NOVA1: variants seen among roughly 807,000 people sequenced by gnomAD.
NOVA1 encodes RNA-binding protein Nova-1.
A neutral mutation model predicts 38.0 loss-of-function variants in NOVA1; 7 were observed. The ratio of observed to expected loss-of-function variants is 0.18; its 90% CI spans 0.10 to 0.35. NOVA1 has a LOEUF of 0.35. Ranked by LOEUF, NOVA1 falls within the 10% of genes least tolerant of loss-of-function variation. The probability of loss-of-function intolerance (pLI) is 1.00; values close to 1 mark genes in which losing one functional copy is unlikely to be tolerated. For synonymous variants in NOVA1, 270 were observed against 232.5 expected (o/e 1.16, Z -1.47); for missense variants, 460 against 616.0 (o/e 0.75, Z 2.68).
intron 2 of NOVA1, among the ~76,000 whole-genome samples, chr14:26,500,935 T>A (rs1020400069): frequency 6.6e-6 from 1 of 151,972 alleles, no homozygotes; most frequent in African/African-American, 2.4e-5. Flanking sequence ...TGCATTTATG[T>A]CCTCAGCTCT....
intron 4 of NOVA1, among the ~76,000 whole-genome samples, chr14:26,454,184 AG>A (rs1219131457): frequency 2.0e-5 from 3 of 152,270 alleles, no homozygotes; most frequent in Non-Finnish European, 2.9e-5. Flanking sequence ...AAAACAGAAA[AG>A]TTTTAAGAAA....
At chr14:26,509,926 C>A (rs1279630212) in intron 2 of NOVA1, among the ~76,000 whole-genome samples, 1 of 152,096 alleles carries the variant, frequency 6.6e-6, no homozygotes, top group Non-Finnish European at 1.5e-5. Context: ...GTGATATGCC[C>A]GCCTCAGCCT....
intron 4 of NOVA1, among the ~76,000 whole-genome samples, chr14:26,467,619 C>T (rs1411736810): frequency 1.3e-5 from 2 of 151,932 alleles, no homozygotes; most frequent in Non-Finnish European, 2.9e-5. Context: ...AAAAACTTGA[C>T]AGAAAAAGGA....
chr14:26,485,727 A>T (rs1885835693), intron 2 of NOVA1, among the ~76,000 whole-genome samples: 1 of 152,146 alleles, frequency 6.6e-6, no homozygotes, highest in Non-Finnish European at 1.5e-5. Context: ...GTTCATATAA[A>T]AGAAAATGCA....
chr14:26,450,512 GT>G (rs1882578963), intron 4 of NOVA1, among the ~76,000 whole-genome samples: 1 of 151,960 alleles, frequency 6.6e-6, no homozygotes, highest in South Asian at 2.1e-4. Context: ...AATAGTCTAA[GT>G]TTTCAAGAAC....
intron 2 of NOVA1, among the ~76,000 whole-genome samples, chr14:26,489,632 A>C (rs1430435293): frequency 6.6e-6 from 1 of 152,050 alleles, no homozygotes; most frequent in Non-Finnish European, 1.5e-5. Context: ...TGAAGTCAGG[A>C]GTTTGAGACC....
intron 2 of NOVA1, among the ~76,000 whole-genome samples, chr14:26,490,434 C>T (rs114978417): frequency 0.01 from 1,551 of 152,082 alleles, 25 homozygotes; most frequent in African/African-American, 0.036. Context: ...TGTCCCAAGC[C>T]GCGGCACCAT....
In NOVA1 at chr14:26,572,757, T is replaced by C. The variant is rs1447274903; in HGVS notation, c.280+22653A>G. On this transcript the variant is annotated intron_variant, in intron 2 of 4. Coordinates refer to ENST00000539517, the MANE Select transcript of NOVA1 (RefSeq NM_002515.3). ...GTGTGTGTGTGTGTGTGTGTGTGTGTGTGTGTGTATGTGTGTCTGTACGTT... is the reference window on the plus strand; with the variant it reads ...GTGTGTGTGTGTGTGTGTGTGTGTGCGTGTGTGTATGTGTGTCTGTACGTT... Among the ~76,000 whole-genome samples the C allele has an allele frequency of 2.6e-5, 4 of 151,722 alleles. No homozygotes were observed. In the East Asian group the frequency reaches 5.8e-4, roughly 22 times the overall value.
chr14:26,503,207 T>A (rs1043221887), intron 2 of NOVA1, among the ~76,000 whole-genome samples: 1 of 151,962 alleles, frequency 6.6e-6, no homozygotes, highest in African/African-American at 2.4e-5. Context: ...ATATATGAAA[T>A]GTTTTTAAAA....
intron 2 of NOVA1, among the ~76,000 whole-genome samples, chr14:26,481,307 C>A (rs178212): frequency 0.63 from 95,802 of 151,826 alleles, 32,756 homozygotes; most frequent in Non-Finnish European, 0.75. Context: ...TTTCAAGGTA[C>A]TTTGTAAAAT....
intron 2 of NOVA1, chr14:26,519,429 T>C (rs988564671): frequency 2.0e-5 from 3 of 152,056 alleles, no homozygotes; most frequent in African/African-American, 7.2e-5. Flanking sequence ...AAACTAAGAA[T>C]AGGTAGAGTA....
chr14:26,554,809 T>C (rs1326420367), intron 2 of NOVA1, among the ~76,000 whole-genome samples: 1 of 152,190 alleles, frequency 6.6e-6, no homozygotes, highest in African/African-American at 2.4e-5. Context: ...AATTACCACA[T>C]TCTTATTTAT....
chr14:26,587,979 GAACTAAGTA>G (rs1229121237), intron 2 of NOVA1, among the ~76,000 whole-genome samples: 14 of 150,920 alleles, frequency 9.3e-5, no homozygotes, highest in South Asian at 4.1e-4. Context: ...TGATTTTTTA[GAACTAAGTA>G]AACTAAGTAA....
chr14:26,541,115 G>A (rs1303333663), intron 2 of NOVA1, among the ~76,000 whole-genome samples: 1 of 152,130 alleles, frequency 6.6e-6, no homozygotes, highest in East Asian at 1.9e-4. Flanking sequence ...AATGATTGGG[G>A]TTGGAAGGTA....
chr14:26,528,505 A>G (rs1889459234), intron 2 of NOVA1, among the ~76,000 whole-genome samples: 1 of 152,210 alleles, frequency 6.6e-6, no homozygotes, highest in Admixed American at 6.5e-5. Flanking sequence ...GGGACTGATC[A>G]TGCTGCAGGG....
At chr14:26,550,606 C>A (rs1270869282) in intron 2 of NOVA1, among the ~76,000 whole-genome samples, 1 of 152,134 alleles carries the variant, frequency 6.6e-6, no homozygotes, top group Non-Finnish European at 1.5e-5. Context: ...AATAATTATT[C>A]TCTGAGAAAT....
intron 2 of NOVA1, among the ~76,000 whole-genome samples, chr14:26,505,979 T>C (rs563599617): frequency 6.6e-6 from 1 of 152,282 alleles, no homozygotes; most frequent in African/African-American, 2.4e-5. Flanking sequence ...TTAAAAATGA[T>C]ACATTTAGTG....
chr14:26,565,492 A>G (rs1191418613), intron 2 of NOVA1, among the ~76,000 whole-genome samples: 1 of 151,856 alleles, frequency 6.6e-6, no homozygotes, highest in African/African-American at 2.4e-5. Context: ...TTCTTTCACC[A>G]TTTTTCGTTT....
chr14:26,450,962 T>C (rs1594314822), intron 4 of NOVA1, among the ~76,000 whole-genome samples: 1 of 152,160 alleles, frequency 6.6e-6, no homozygotes, highest in Admixed American at 6.6e-5. Context: ...GAAAAATGTA[T>C]TAATCGGCCA....
Sources: gnomAD v4.1 joint callset for allele counts (sites outside exome capture counted in the v4.1 genomes callset) on GRCh38, gnomAD v4.1.1 for gene constraint, MANE v1.5 for transcripts, NCBI Gene and HGNC (gene_info 2026-07-23, HGNC 2026-07-21) for gene names.